PDE7B: variants seen among roughly 807,000 people sequenced by gnomAD.
PDE7B encodes 3',5'-cyclic-AMP phosphodiesterase 7B.
PDE7B carries 29 observed loss-of-function variants against 56.2 expected under a neutral mutation model. The ratio of observed to expected loss-of-function variants is 0.52; its 90% confidence interval spans 0.38 to 0.70. The LOEUF (loss-of-function observed/expected upper bound fraction) is 0.70, where lower values mean the gene tolerates loss of function less well. PDE7B is among the 30% of genes least tolerant of loss of function. The pLI, the probability that PDE7B is intolerant of heterozygous loss-of-function variation, is 0.00. For synonymous variants in PDE7B, 197 were observed against 196.9 expected (o/e 1.00, Z 0.00); for missense variants, 490 against 565.0 (o/e 0.87, Z 1.35).
At chr6:136,160,827 T>C (rs759066751) in intron 8 of PDE7B, among the ~76,000 whole-genome samples, 1 of 152,084 alleles carries the variant, frequency 6.6e-6, no homozygotes, top group Non-Finnish European at 1.5e-5. Context: ...ATCACTCAAT[T>C]CTTTATCCAT....
At chr6:136,168,274 G>A (rs1349767463) in intron 8 of PDE7B, among the ~76,000 whole-genome samples, 1 of 152,176 alleles carries the variant, frequency 6.6e-6, no homozygotes, top group Non-Finnish European at 1.5e-5. Flanking sequence ...TAGGAACAAA[G>A]TGATATTTGG....
intron 12 of PDE7B, 85 bp from the exon 13 acceptor site, chr6:136,191,529 T>G (rs1779224745): frequency 1.7e-6 from 2 of 1,143,684 alleles, no homozygotes; most frequent in Non-Finnish European, 2.6e-6. Context: ...TAGCCGGGCG[T>G]GGTGGGTCCC....
chr6:135,971,669 A>G (rs1775096055), intron 2 of PDE7B, among the ~76,000 whole-genome samples: 1 of 152,204 alleles, frequency 6.6e-6, no homozygotes, highest in Non-Finnish European at 1.5e-5. Flanking sequence ...AGACATTGGT[A>G]TGAGTTCTAA....
chr6:136,070,515 G>T (rs978674966), intron 2 of PDE7B, among the ~76,000 whole-genome samples: 1 of 150,212 alleles, frequency 6.7e-6, no homozygotes, highest in African/African-American at 2.5e-5. Flanking sequence ...TAACAATATT[G>T]TTGAAAAAAT....
At chr6:135,927,268 A>G (rs1429248733) in intron 1 of PDE7B, among the ~76,000 whole-genome samples, 1 of 152,118 alleles carries the variant, frequency 6.6e-6, no homozygotes, top group Non-Finnish European at 1.5e-5. Context: ...TACCAGTACC[A>G]TGTTGATTGG....
At position 136,140,694 on chromosome 6, in the gene PDE7B, A is replaced by G. The variant is rs534237335; in HGVS notation, c.167-6657A>G. 1.9e-3 allele frequency among the ~76,000 whole-genome samples: 293 copies of G among 152,212 alleles called. 2 individuals carry two copies. Among genetic ancestry groups the G allele is most frequent in the Middle Eastern group, 0.01 (3 of 294 alleles). On this transcript the variant is annotated intron_variant, in intron 3 of 12. Coordinates refer to ENST00000308191, the MANE Select transcript of PDE7B (RefSeq NM_018945.4). ...TGAAGAGGTCCTTCACATCCCTTGT[A>G]AGTTGGATTCCTAGGTATTTTGTTC... is the stretch of plus-strand genomic sequence containing the variant.
chr6:136,190,005 G>A (rs139764889), intron 12 of PDE7B, among the ~76,000 whole-genome samples: 1 of 152,026 alleles, frequency 6.6e-6, no homozygotes, highest in Non-Finnish European at 1.5e-5. Flanking sequence ...TTTCGAGTTG[G>A]ATTTTAAAAT....
At chr6:135,885,366 C>T (rs1775688058) in intron 1 of PDE7B, among the ~76,000 whole-genome samples, 1 of 151,362 alleles carries the variant, frequency 6.6e-6, no homozygotes, top group South Asian at 2.1e-4. Context: ...CTACCGTGGC[C>T]CAGGGCTGCA....
At chr6:135,959,587 G>T (rs962636878) in intron 2 of PDE7B, among the ~76,000 whole-genome samples, 4 of 152,026 alleles carry the variant, frequency 2.6e-5, no homozygotes, top group African/African-American at 7.2e-5. Flanking sequence ...CTACGGAAAG[G>T]TACCTTATTT....
At chr6:136,119,146 G>A (rs113877527) in intron 3 of PDE7B, among the ~76,000 whole-genome samples, 180 of 152,170 alleles carry the variant, frequency 1.2e-3, no homozygotes, top group Middle Eastern at 3.4e-3. Flanking sequence ...AGGGGGAGTT[G>A]GTTATTTCCT....
intron 1 of PDE7B, among the ~76,000 whole-genome samples, chr6:135,912,407 T>C (rs1216448798): frequency 1.3e-5 from 2 of 152,220 alleles, no homozygotes; most frequent in East Asian, 3.8e-4. Context: ...AAAGATGATT[T>C]AAAGTATCCA....
intron 2 of PDE7B, among the ~76,000 whole-genome samples, chr6:136,016,193 T>TC (rs1406200422): frequency 6.6e-6 from 1 of 152,216 alleles, no homozygotes; most frequent in Non-Finnish European, 1.5e-5. Context: ...ATTTTTCTCA[T>TC]CTGTGCAATA....
chr6:136,163,027 C>A (rs1037249537), intron 8 of PDE7B, among the ~76,000 whole-genome samples: 9 of 152,194 alleles, frequency 5.9e-5, no homozygotes, highest in African/African-American at 1.9e-4. Context: ...TACACAGGTG[C>A]AAGCTATAGG....
intron 2 of PDE7B, among the ~76,000 whole-genome samples, chr6:135,989,536 C>T (rs1583814311): frequency 6.6e-6 from 1 of 152,222 alleles, no homozygotes; most frequent in Non-Finnish European, 1.5e-5. Flanking sequence ...ATAGCTTGAA[C>T]CCAGGAGGCA....
At chr6:135,871,772 T>TACAC (rs10576996) in intron 1 of PDE7B, among the ~76,000 whole-genome samples, 7,005 of 150,582 alleles carry the variant, frequency 0.047, 212 homozygotes, top group East Asian at 0.1. Flanking sequence ...GATAGGTGTA[T>TACAC]ACACACACAC....
At chr6:136,018,814 G>A (rs1776022017) in intron 2 of PDE7B, among the ~76,000 whole-genome samples, 1 of 151,956 alleles carries the variant, frequency 6.6e-6, no homozygotes, top group Non-Finnish European at 1.5e-5. Flanking sequence ...GTGTTTGTGT[G>A]TGTGTCAAAA....
intron 2 of PDE7B, among the ~76,000 whole-genome samples, chr6:136,107,229 T>C (rs1306751639): frequency 6.6e-6 from 1 of 152,176 alleles, no homozygotes; most frequent in East Asian, 1.9e-4. Flanking sequence ...GAGAGAGGAC[T>C]GTTCTTCCTT....
intron 2 of PDE7B, among the ~76,000 whole-genome samples, chr6:136,010,249 T>A (rs2128207090): frequency 6.6e-6 from 1 of 152,248 alleles, no homozygotes; most frequent in South Asian, 2.1e-4. Context: ...TGTATTCTAT[T>A]CTTATTGCGC....
intron 2 of PDE7B, chr6:136,037,713 GAGCCCCTCTGTGAGGTTAGCAAAGGGGA>G (rs1215502143): frequency 3.0e-6 from 3 of 985,338 alleles, no homozygotes; most frequent in East Asian, 1.1e-4. Flanking sequence ...AGCAAGGGGG[GAGCCCCTCTGTGAGGTTAGCAAAGGGGA>G]AGCCCCGCTT....
Sources: allele counts gnomAD v4.1 joint callset (sites outside exome capture counted in the v4.1 genomes callset), GRCh38; gene constraint gnomAD v4.1.1; transcripts MANE v1.5; gene names NCBI Gene and HGNC (gene_info 2026-07-23, HGNC 2026-07-21).